The following FAT4 variants were observed in gnomAD, a reference collection of about 807,000 sequenced individuals.
The protein encoded by FAT4 is protocadherin Fat 4.
FAT4 carries 84 observed loss-of-function variants against 303.9 expected under a neutral mutation model. That is an observed-to-expected ratio of 0.28 (90% CI 0.23 to 0.33). The LOEUF is 0.33. Among genes scored for constraint, FAT4 ranks in the 10% least tolerant of loss-of-function variants. The probability of loss-of-function intolerance (pLI) is 1.00; values close to 1 mark genes in which losing one functional copy is unlikely to be tolerated. For missense variants in FAT4, 6,005 were observed against 6,146.8 expected (o/e 0.98, Z 0.77); for synonymous variants, 2,307 against 2,298.8 (o/e 1.00, Z -0.10).
chr4:125,426,448 C>T (rs1042946388), intron 7 of FAT4, among the ~76,000 whole-genome samples: 19 of 151,932 alleles, frequency 1.3e-4, no homozygotes, highest in African/African-American at 4.6e-4. Context: ...GCATATTTGT[C>T]ATAGATGGGA....
At chr4:125,436,493 C>T (rs1725456499) in intron 8 of FAT4, among the ~76,000 whole-genome samples, 1 of 152,070 alleles carries the variant, frequency 6.6e-6, no homozygotes, top group South Asian at 2.1e-4. Flanking sequence ...GTTTAGAGGA[C>T]ATTTAAAACC....
At chr4:125,462,909 T>G (rs1285759217) in intron 10 of FAT4, among the ~76,000 whole-genome samples, 1 of 152,016 alleles carries the variant, frequency 6.6e-6, no homozygotes, top group Non-Finnish European at 1.5e-5. Flanking sequence ...ATTAGTTGAT[T>G]CAATTTAACA....
chr4:125,463,857 C>A (rs947739426), intron 11 of FAT4, among the ~76,000 whole-genome samples, 190 bp downstream of exon 11: 1 of 151,984 alleles, frequency 6.6e-6, no homozygotes, highest in Admixed American at 6.6e-5. Context: ...TTGCATTGGT[C>A]ATTACTAGAA....
At chr4:125,345,859 G>A (rs1014627453) in intron 2 of FAT4, among the ~76,000 whole-genome samples, 58 of 152,050 alleles carry the variant, frequency 3.8e-4, no homozygotes, top group Admixed American at 3.7e-3. Context: ...CAAAGAGAAC[G>A]GTATTAGTGT....
chr4:125,320,403 G>T lies in FAT4; in HGVS notation c.3992G>T (p.Gly1331Val). The change falls in exon 2 of 18, where the codon GGT becomes GTT. Residue 1331 changes from glycine to valine, a missense_variant. Gly to Val is a moderately radical substitution (Grantham distance 109). Coordinates refer to ENST00000394329, the MANE Select transcript of FAT4 (RefSeq NM_001291303.3). ...GATGTTTTGGAAAACATGAGAATTG[G>T]TGAACTCGTGTCCTCTGTTACTGCA... ...FVDVLENMRI[G>V]ELVSSVTATD... The T allele has an allele frequency of 6.2e-7, 1 of 1,613,972 alleles. No homozygotes were observed. Among genetic ancestry groups the T allele is most frequent in the Non-Finnish European group, 8.5e-7 (1 of 1,179,914 alleles).
At chr4:125,392,965 A>C (rs1267452660) in intron 2 of FAT4, among the ~76,000 whole-genome samples, 1 of 152,162 alleles carries the variant, frequency 6.6e-6, no homozygotes, top group Non-Finnish European at 1.5e-5. Flanking sequence ...TTGACATTTC[A>C]GTGCCTTAAT....
intron 7 of FAT4, among the ~76,000 whole-genome samples, chr4:125,425,283 G>A (rs1725049268): frequency 1.3e-5 from 2 of 152,130 alleles, no homozygotes; most frequent in South Asian, 4.1e-4. Context: ...AACTTGTACT[G>A]CCCATTCAGC....
At chr4:125,479,460 G>A (rs1271141589) in intron 14 of FAT4, among the ~76,000 whole-genome samples, 2 of 152,068 alleles carry the variant, frequency 1.3e-5, no homozygotes, top group African/African-American at 4.8e-5. Context: ...ATTTGACCAA[G>A]GTATTTTATT....
intron 2 of FAT4, among the ~76,000 whole-genome samples, chr4:125,353,891 G>C (rs945664981): frequency 6.6e-6 from 1 of 151,488 alleles, no homozygotes; most frequent in Admixed American, 6.6e-5. Context: ...CAACCCAAAG[G>C]TCCCAGAAAT....
At chr4:125,432,666 C>T (rs538904188) in intron 7 of FAT4, among the ~76,000 whole-genome samples, 4 of 151,954 alleles carry the variant, frequency 2.6e-5, no homozygotes, top group African/African-American at 7.2e-5. Context: ...AGATTGAGGG[C>T]TATTTTTCCC....
chr4:125,330,350 T>G (rs1731331978), intron 2 of FAT4, among the ~76,000 whole-genome samples: 1 of 152,248 alleles, frequency 6.6e-6, no homozygotes, highest in South Asian at 2.1e-4. Context: ...CCATAAGGCT[T>G]ACCAGCCTCC....
chr4:125,357,159 T>A (rs1438262530), intron 2 of FAT4, among the ~76,000 whole-genome samples: 1 of 152,118 alleles, frequency 6.6e-6, no homozygotes, highest in African/African-American at 2.4e-5. Flanking sequence ...TGTGTTCAAC[T>A]ATGAGTCTGT....
rs903814080 is a variant in FAT4, at chr4:125,319,784, G to A, written c.3373G>A (p.Val1125Ile). The A allele has an allele frequency of 3.1e-6, 5 of 1,614,226 alleles. No individual in the cohort carries two copies. The highest frequency in any genetic ancestry group is 1.7e-5 in the Admixed American group (1 of 60,032). ...GTCGTTTGTGGGCAAAGTAAGTGCT[G>A]TAGATAAAGACTTTGGGCCAAATGG... is the stretch of plus-strand genomic sequence containing the variant. Reference protein sequence around the residue: ...AGSFVGKVSAVDKDFGPNGEV... With the variant: ...AGSFVGKVSAIDKDFGPNGEV... Residue 1125 changes from valine to isoleucine, a missense_variant, in exon 2 of 18, where the codon GTA becomes ATA. Coordinates refer to ENST00000394329, the MANE Select transcript of FAT4 (RefSeq NM_001291303.3).
intron 7 of FAT4, among the ~76,000 whole-genome samples, chr4:125,421,309 T>A (rs1044804589): frequency 6.6e-6 from 1 of 152,222 alleles, no homozygotes; most frequent in African/African-American, 2.4e-5. Flanking sequence ...CTAAGCACTT[T>A]CTAAGCACAC....
At position 125,317,914 on chromosome 4, in the gene FAT4, T is replaced by C; in HGVS notation, c.1503T>C (p.Asp501=). 1 of 1,614,196 alleles carries C rather than the reference T, an allele frequency of 6.2e-7. No homozygotes were observed. The highest frequency in any genetic ancestry group is 1.6e-4 in the Middle Eastern group (1 of 6,062). ...GSYVSGISAT[D]GDSGLNANLR... ...ATGTGAGTGGGATATCTGCCACTGA[T>C]GGCGACTCTGGTCTCAATGCTAATC... The change falls in exon 2 of 18, where the codon GAT becomes GAC. Residue 501 remains aspartate (D), a synonymous_variant. Coordinates refer to ENST00000394329, the MANE Select transcript of FAT4 (RefSeq NM_001291303.3). This position sits in a 1 kb window ranked among gnomAD's most constrained non-coding sequence, Gnocchi z 7.0.
intron 2 of FAT4, among the ~76,000 whole-genome samples, chr4:125,379,504 G>C (rs1465252315): frequency 6.6e-6 from 1 of 151,888 alleles, no homozygotes; most frequent in Non-Finnish European, 1.5e-5. Context: ...CTGTCACCCA[G>C]GCTGGAGTAC....
chr4:125,364,828 A>C (rs1578562443), intron 2 of FAT4, among the ~76,000 whole-genome samples: 1 of 152,318 alleles, frequency 6.6e-6, no homozygotes. Context: ...GGTAGTTCTC[A>C]TACCAAAATG....
intron 2 of FAT4, among the ~76,000 whole-genome samples, chr4:125,345,291 G>A (rs1731953713): frequency 1.3e-5 from 2 of 151,928 alleles, no homozygotes; most frequent in Admixed American, 6.6e-5. Flanking sequence ...CTCTGCAAAC[G>A]AAAAATATTG....
intron 2 of FAT4, among the ~76,000 whole-genome samples, chr4:125,396,112 A>T (rs1487051127): frequency 1.3e-5 from 2 of 152,092 alleles, no homozygotes; most frequent in African/African-American, 4.8e-5. Context: ...TTTTTTTAAC[A>T]CACACGCATG....
Sources: allele counts gnomAD v4.1 joint callset (sites outside exome capture counted in the v4.1 genomes callset), GRCh38; gene constraint gnomAD v4.1.1; non-coding constraint Gnocchi (gnomAD v3.1); transcripts MANE v1.5; gene names NCBI Gene and HGNC (gene_info 2026-07-23, HGNC 2026-07-21).